POLD1: variants seen among roughly 807,000 people sequenced by gnomAD.
The protein encoded by POLD1 is DNA polymerase delta 1, catalytic subunit.
In POLD1, 79 loss-of-function variants were observed where a neutral mutation model predicts 129.7. The ratio of observed to expected loss-of-function variants is 0.61; its 90% CI spans 0.51 to 0.73. The LOEUF (loss-of-function observed/expected upper bound fraction) is 0.73, where lower values mean the gene tolerates loss of function less well. Ranked by LOEUF, POLD1 falls within the 30% of genes least tolerant of loss-of-function variation. POLD1 has a pLI of 0.00. For synonymous variants in POLD1, 714 were observed against 683.3 expected (o/e 1.04, Z -0.70); for missense variants, 1,338 against 1,595.8 (o/e 0.84, Z 2.75).
At chr19:50,404,420 G>A (rs2038789152) in intron 10 of POLD1, among the ~76,000 whole-genome samples, 1 of 147,806 alleles carries the variant, frequency 6.8e-6, no homozygotes, top group Non-Finnish European at 1.5e-5. Context: ...CCGCCACCAC[G>A]CCTGGCTAAT....
intron 1 of POLD1, among the ~76,000 whole-genome samples, chr19:50,385,168 G>A (rs2037927707): frequency 6.6e-6 from 1 of 152,182 alleles, no homozygotes; most frequent in Non-Finnish European, 1.5e-5. Context: ...ACCACTGAGT[G>A]GAAATTGGAT....
intron 14 of POLD1, 45 bp from the exon 15 acceptor site, chr19:50,408,740 G>A: frequency 6.2e-7 from 1 of 1,604,550 alleles, no homozygotes; most frequent in Non-Finnish European, 8.5e-7. Context: ...GGGCGGCATG[G>A]GAACTCCTAG....
In POLD1 at chr19:50,406,999, C is replaced by T. The variant is rs1555791333; in HGVS notation, c.1511C>T (p.Thr504Ile). 2 of 1,602,348 alleles carry T rather than the reference C, an allele frequency of 1.2e-6. No homozygotes were observed. Among genetic ancestry groups the T allele is most frequent in the Non-Finnish European group, 1.7e-6 (2 of 1,173,708 alleles). The change falls in exon 13 of 27, where the codon ACC becomes ATC. Residue 504 changes from threonine (T) to isoleucine (I), a missense_variant. Physicochemically the swap from Thr to Ile is moderately conservative, Grantham distance 89. Around this residue, in one of 3 missense-constraint regions of POLD1, gnomAD observed 720 missense variants for 1,002.6 expected, o/e 0.72. Coordinates refer to ENST00000440232, the MANE Select transcript of POLD1 (RefSeq NM_002691.4). This position sits in a 1 kb window ranked among gnomAD's most constrained non-coding sequence, Gnocchi z 5.5. ...CATCCCCAGAATGGGAACGACCAGA[C>T]CCGCCGCCGCCTGGCTGTGTACTGC... Reference protein sequence around the residue: ...ITDLQNGNDQTRRRLAVYCLK... With the variant: ...ITDLQNGNDQIRRRLAVYCLK...
At chr19:50,412,667 G>A (rs2039126018) in intron 17 of POLD1, among the ~76,000 whole-genome samples, 1 of 152,112 alleles carries the variant, frequency 6.6e-6, no homozygotes, top group South Asian at 2.1e-4. Flanking sequence ...AAAAACAGAA[G>A]AATCACACCC....
chr19:50,402,410 C>T (rs1158607537), intron 6 of POLD1, 37 bp downstream of exon 6: 1 of 1,613,278 alleles, frequency 6.2e-7, no homozygotes, highest in East Asian at 2.2e-5. Flanking sequence ...CCTCTATCCC[C>T]ACCCTCGGGC....
In POLD1 at chr19:50,402,479, G is replaced by A. The variant is rs571623032; in HGVS notation, c.784G>A (p.Gly262Ser). The change falls in exon 7 of 27, where the codon GGC becomes AGC. Residue 262 changes from glycine (G) to serine (S), a missense_variant. Coordinates refer to ENST00000440232, the MANE Select transcript of POLD1 (RefSeq NM_002691.4). ...IRFMVDTDIVGCNWLELPAGK... is the reference protein window; with the variant it reads ...IRFMVDTDIVSCNWLELPAGK... Reference sequence around the variant, plus strand: ...GTTCATGGTGGACACGGACATCGTCGGCTGCAACTGGCTGGAGCTCCCAGC... The same window carrying A: ...GTTCATGGTGGACACGGACATCGTCAGCTGCAACTGGCTGGAGCTCCCAGC... 34 of 1,611,818 alleles carry A rather than the reference G, an allele frequency of 2.1e-5. No individual in the cohort carries two copies. Among genetic ancestry groups the A allele is most frequent in the Non-Finnish European group, 2.8e-5 (33 of 1,179,216 alleles).
chr19:50,415,147 C>T (rs1285752350), intron 20 of POLD1, among the ~76,000 whole-genome samples, 157 bp downstream of exon 20: 1 of 151,998 alleles, frequency 6.6e-6, no homozygotes, highest in Non-Finnish European at 1.5e-5. Flanking sequence ...GGCCCCCAGC[C>T]CCTTCCTCTC....
At chr19:50,393,041 A>G (rs577943107) in intron 1 of POLD1, among the ~76,000 whole-genome samples, 1 of 152,340 alleles carries the variant, frequency 6.6e-6, no homozygotes, top group Non-Finnish European at 1.5e-5. Context: ...GGGGATTTCA[A>G]ACGATGCTTC....
rs1060501818 is a variant in POLD1, at chr19:50,415,452, C to T, written c.2579C>T (p.Ala860Val). ...CTCTCCTACAGAGACCCTGAGGGCGCGGTGGCTCACGCACAGGACGTCATC... is the reference window on the plus strand; with the variant it reads ...CTCTCCTACAGAGACCCTGAGGGCGTGGTGGCTCACGCACAGGACGTCATC... ...RLLIDRDPEG[A>V]VAHAQDVISD... Residue 860 changes from alanine (A) to valine (V), a missense_variant, in exon 21 of 27, where the codon GCG becomes GTG. Coordinates refer to ENST00000440232, the MANE Select transcript of POLD1 (RefSeq NM_002691.4). 2.5e-6 allele frequency: 4 copies of T among 1,612,560 alleles called. No individual in the cohort carries two copies. Among genetic ancestry groups the T allele is most frequent in the African/African-American group, 1.3e-5 (1 of 74,914 alleles).
At chr19:50,388,560 G>GT (rs1321484409) in intron 1 of POLD1, among the ~76,000 whole-genome samples, 2 of 152,094 alleles carry the variant, frequency 1.3e-5, no homozygotes, top group African/African-American at 4.8e-5. Context: ...TGCCCACCTT[G>GT]TAAATTTGTT....
chr19:50,417,112 A>T lies in POLD1; in HGVS notation c.3120+15A>T, dbSNP rs2039330961. On this transcript the variant is annotated intron_variant, in intron 25 of 26. Coordinates refer to ENST00000440232, the MANE Select transcript of POLD1 (RefSeq NM_002691.4). Reference sequence around the variant, plus strand: ...ATCAGAAGGAGGTGAGAGGGCCGGGAGGTGAGGAGGGGCCAGGTGGGGAGG... The same window carrying T: ...ATCAGAAGGAGGTGAGAGGGCCGGGTGGTGAGGAGGGGCCAGGTGGGGAGG... The T allele has an allele frequency of 6.4e-7, 1 of 1,565,358 alleles. No homozygotes were observed. Among genetic ancestry groups the T allele is most frequent in the African/African-American group, 1.4e-5 (1 of 73,750 alleles).
rs947999258 is a variant in POLD1, at chr19:50,401,922, C to T, written c.461C>T (p.Pro154Leu). ...FAPYFYTPAP[P>L]GFGPEHMGDL... ...CCCTACTTCTACACCCCAGCGCCCC[C>T]TGGTGAGTGGCCCCTACCCAGCCCC... is the stretch of plus-strand genomic sequence containing the variant. Residue 154 changes from proline (P) to leucine (L), a missense_variant and splice_region_variant, in exon 4 of 27, where the codon CCT (proline) becomes CTT (leucine). Coordinates refer to ENST00000440232, the MANE Select transcript of POLD1 (RefSeq NM_002691.4). The T allele has an allele frequency of 1.9e-6, 3 of 1,614,092 alleles. No individual in the cohort carries two copies. Among genetic ancestry groups the T allele is most frequent in the Non-Finnish European group, 2.5e-6 (3 of 1,179,982 alleles).
chr19:50,398,700 C>A, intron 1 of POLD1, 151 bp from the exon 2 acceptor site: 1 of 1,301,228 alleles, frequency 7.7e-7, no homozygotes, highest in Non-Finnish European at 1.0e-6. Context: ...GCTCCCACCC[C>A]ACTGCCTGCA....
chr19:50,400,170 A>T (rs1350701974), intron 3 of POLD1, among the ~76,000 whole-genome samples: 140 of 37,748 alleles, frequency 3.7e-3, no homozygotes, highest in South Asian at 8.3e-3. Context: ...TTGAGACAAG[A>T]TTTTCCTCTG....
At chr19:50,397,030 G>A (rs139657634) in intron 1 of POLD1, among the ~76,000 whole-genome samples, 4,551 of 148,574 alleles carry the variant, frequency 0.031, 225 homozygotes, top group African/African-American at 0.11. Context: ...GGGAGGCGGA[G>A]GTTGCAGCCA....
intron 25 of POLD1, 37 bp downstream of exon 25, chr19:50,417,134 G>C (rs2039332385): frequency 6.4e-7 from 1 of 1,571,300 alleles, no homozygotes; most frequent in African/African-American, 1.3e-5. Flanking sequence ...GCCAGGTGGG[G>C]AGGCGGGGGC....
chr19:50,415,583 GCCGAGAGGT>G lies in POLD1; in HGVS notation c.2713_2717+4del. ...CGGCAAGCAGGCCCACGTGGAGCTG[GCCGAGAGGT>G]CCTGCGCGGGGCGGGTGGCCTGGCC... On this transcript the variant is annotated splice_donor_variant and coding_sequence_variant, in exon 21 of 27. Transcript: ENST00000440232. LOFTEE classifies it high-confidence loss of function. 6.2e-7 allele frequency: 1 copy of G among 1,611,142 alleles called. No individual in the cohort carries two copies. Among genetic ancestry groups the G allele is most frequent in the Non-Finnish European group, 8.5e-7 (1 of 1,178,628 alleles).
At chr19:50,396,959 G>A (rs1041826468) in intron 1 of POLD1, among the ~76,000 whole-genome samples, 3 of 151,188 alleles carry the variant, frequency 2.0e-5, no homozygotes, top group African/African-American at 7.3e-5. Flanking sequence ...GCCAGGCATG[G>A]TGGTGGGCAC....
At chr19:50,403,698 C>A (rs996779874) in intron 10 of POLD1, 101 bp downstream of exon 10, 11 of 807,512 alleles carry the variant, frequency 1.4e-5, no homozygotes, top group East Asian at 4.9e-5. Flanking sequence ...CTTGGTGCAT[C>A]TTGCTCTGTG....
Sources: allele counts gnomAD v4.1 joint callset (sites outside exome capture counted in the v4.1 genomes callset), GRCh38; gene constraint gnomAD v4.1.1; regional missense constraint gnomAD v4.1.1; non-coding constraint Gnocchi (gnomAD v3.1); transcripts MANE v1.5; gene names NCBI Gene and HGNC (gene_info 2026-07-23, HGNC 2026-07-21).